The following SATB1 variants were observed in gnomAD, a reference collection of about 807,000 sequenced individuals.
SATB1 encodes SATB homeobox 1.
A neutral mutation model predicts 86.9 loss-of-function variants in SATB1; 11 were observed. The observed-to-expected ratio is 0.13, with a 90% confidence interval of 0.08 to 0.21. The LOEUF is 0.21. Ranked by LOEUF, SATB1 falls within the 10% of genes least tolerant of loss-of-function variation. The probability of loss-of-function intolerance (pLI) is 1.00; values close to 1 mark genes in which losing one functional copy is unlikely to be tolerated. For missense variants in SATB1, 551 were observed against 937.6 expected, an observed-to-expected ratio of 0.59 and a Z score of 5.39; for synonymous variants, 357 against 357.2, an observed-to-expected ratio of 1.00 and a Z score of 0.01.
Position 18,349,319 on chromosome 3 carries a change from C to T in SATB1, c.2143G>A (p.Asp715Asn). 6.2e-7 allele frequency: 1 copy of T among 1,614,178 alleles called. No homozygotes were observed. Among genetic ancestry groups the T allele is most frequent in the Non-Finnish European group, 8.5e-7 (1 of 1,180,016 alleles). Residue 715 changes from aspartate (D) to asparagine (N), a missense_variant, in exon 11 of 11, where the codon GAT becomes AAT. Around this residue, in one of 8 missense-constraint regions of SATB1, gnomAD observed 33 missense variants for 85.4 expected, o/e 0.39. Transcript: ENST00000338745. The surrounding 1 kb of genome is among the most constrained non-coding windows in gnomAD (Gnocchi z 5.5). ...TCCTCTTCTTTATATTCTGCCACATCGACCTCTAAACCGGAATTGTCCTTC... is the reference window on the plus strand; with the variant it reads ...TCCTCTTCTTTATATTCTGCCACATTGACCTCTAAACCGGAATTGTCCTTC... ...KLKDNSGLEV[D>N]VAEYKEEELL...
chr3:18,388,285 G>A (rs1412908539), intron 7 of SATB1, among the ~76,000 whole-genome samples: 2 of 151,858 alleles, frequency 1.3e-5, no homozygotes, highest in African/African-American at 4.8e-5. Context: ...GTTTGACTGT[G>A]TTTCTGATGT....
intron 9 of SATB1, among the ~76,000 whole-genome samples, chr3:18,372,126 A>G (rs939532888): frequency 1.3e-5 from 2 of 152,242 alleles, no homozygotes; most frequent in African/African-American, 4.8e-5. Context: ...CTATGAATAC[A>G]TAGTTGGCAT....
At chr3:18,359,625 T>A (rs1338676616) in intron 9 of SATB1, among the ~76,000 whole-genome samples, 1 of 152,038 alleles carries the variant, frequency 6.6e-6, no homozygotes, top group Admixed American at 6.6e-5. Flanking sequence ...GGCTTATATA[T>A]CTGATACTTG....
At chr3:18,434,565 A>G (rs1698998349) in intron 2 of SATB1, among the ~76,000 whole-genome samples, 1 of 152,014 alleles carries the variant, frequency 6.6e-6, no homozygotes, top group Admixed American at 6.6e-5. Flanking sequence ...TCCCACAAAA[A>G]GGAACATAAG....
Position 18,347,673 on chromosome 3 carries a change from ATTTG to A in SATB1, c.*1493_*1496del, listed in dbSNP as rs1348483707. The A allele has an allele frequency of 6.6e-6, 1 of 152,160 alleles. No individual in the cohort carries two copies. Among genetic ancestry groups the A allele is most frequent in the Admixed American group, 6.5e-5 (1 of 15,280 alleles). 9.4% of individuals were successfully genotyped at this position (152,160 alleles called of 1,614,324 possible). A position where few individuals can be genotyped will look rare whatever the true frequency, so the allele number is the denominator to read the frequency against. ...TAACAACATAACTGCTAGAGACTGG[ATTTG>A]TTTTTGTCGGAGAGTCTTTTGACCA... On this transcript the variant is annotated 3_prime_UTR_variant, in exon 11 of 11. Coordinates refer to ENST00000338745, the MANE Select transcript of SATB1 (RefSeq NM_002971.6).
At chr3:18,375,143 A>G (rs1695679703) in intron 9 of SATB1, among the ~76,000 whole-genome samples, 1 of 152,158 alleles carries the variant, frequency 6.6e-6, no homozygotes, top group African/African-American at 2.4e-5. Context: ...TCTACTGTCA[A>G]TAAGACCAGT....
chr3:18,410,963 A>C, intron 5 of SATB1: 1 of 394,940 alleles, frequency 2.5e-6, no homozygotes, highest in East Asian at 3.6e-5. Flanking sequence ...GCAGTACTGA[A>C]GCTAAGCTTC....
intron 6 of SATB1, among the ~76,000 whole-genome samples, 158 bp downstream of exon 6, chr3:18,397,021 T>A (rs1243998851): frequency 6.6e-6 from 1 of 152,154 alleles, no homozygotes; most frequent in Non-Finnish European, 1.5e-5. Context: ...AATTTAATTA[T>A]CTCATTATAC....
chr3:18,417,100 A>G (rs769123232), intron 2 of SATB1, 22 bp from the exon 3 acceptor site: 4 of 1,606,460 alleles, frequency 2.5e-6, no homozygotes, highest in Non-Finnish European at 3.4e-6. Flanking sequence ...ATGAAGAAGA[A>G]GAGATGGAAA....
chr3:18,371,938 G>A (rs1414441158), intron 9 of SATB1, among the ~76,000 whole-genome samples: 1 of 152,146 alleles, frequency 6.6e-6, no homozygotes, highest in Non-Finnish European at 1.5e-5. Context: ...TTGATTTGCT[G>A]TTTTCCCTAC....
intron 9 of SATB1, among the ~76,000 whole-genome samples, chr3:18,377,149 T>C (rs1015606423): frequency 2.0e-5 from 3 of 152,214 alleles, no homozygotes; most frequent in South Asian, 4.1e-4. Context: ...AAGATTATTA[T>C]GTTACAAATA....
At chr3:18,428,533 C>T (rs551604559), upstream of SATB1, among the ~76,000 whole-genome samples, 3 of 152,152 alleles carry the variant, frequency 2.0e-5, no homozygotes, top group South Asian at 2.1e-4. Flanking sequence ...TAAACTATCA[C>T]GGCAGGAGGA....
At chr3:18,376,579 T>TG (rs576672481) in intron 9 of SATB1, among the ~76,000 whole-genome samples, 2,333 of 106,042 alleles carry the variant, frequency 0.022, 30 homozygotes, top group Middle Eastern at 0.038. Flanking sequence ...GGCAAGTAGG[T>TG]GGGGGGGGGG....
At chr3:18,378,389 G>A (rs1029557675) in intron 8 of SATB1, 64 bp from the exon 9 acceptor site, 1 of 1,520,668 alleles carries the variant, frequency 6.6e-7, no homozygotes. Flanking sequence ...AGCTTCTCAG[G>A]CTCAGCATCC....
rs142315357 is a variant in SATB1 at position 18,420,134 on chromosome 3, A to T, written c.211+623T>A. ...ACAGTCCAAGTTGTTAAACTGCATC[A>T]ATTTAATATTGGTAGAAAAAAGTCA... On this transcript the variant is annotated intron_variant, in intron 2 of 10. Transcript: ENST00000338745. 2.0e-5 allele frequency among the ~76,000 whole-genome samples: 3 copies of T among 152,322 alleles called. No individual in the cohort carries two copies. In the East Asian group the frequency reaches 5.8e-4, roughly 29 times the overall value.
At chr3:18,363,830 T>C (rs1284551240) in intron 9 of SATB1, among the ~76,000 whole-genome samples, 1 of 152,132 alleles carries the variant, frequency 6.6e-6, no homozygotes, top group Non-Finnish European at 1.5e-5. Context: ...CAGGTTTAAG[T>C]TGATACTAAA....
At position 18,352,342 on chromosome 3, in the gene SATB1, G is replaced by A. The variant is rs182358719; in HGVS notation, c.1576-147C>T. The A allele has an allele frequency of 2.5e-5, 16 of 641,256 alleles. No homozygotes were observed. Among genetic ancestry groups the A allele is most frequent in the Middle Eastern group, 8.5e-4 (2 of 2,342 alleles). 39.7% of individuals were successfully genotyped at this position (641,256 alleles called of 1,614,324 possible). A position where few individuals can be genotyped will look rare whatever the true frequency, so the allele number is the denominator to read the frequency against. ...CTGCTTTAAAAATTGTTTTTAACTT[G>A]TTAAGAGAGGTTATCTGTGGCTGTC... On this transcript the variant is annotated intron_variant, in intron 9 of 10. Coordinates refer to ENST00000338745, the MANE Select transcript of SATB1 (RefSeq NM_002971.6). This position sits in a 1 kb window ranked among gnomAD's most constrained non-coding sequence, Gnocchi z 4.1.
At chr3:18,435,855 T>C (rs1328557013) in intron 2 of SATB1, among the ~76,000 whole-genome samples, 1 of 152,110 alleles carries the variant, frequency 6.6e-6, no homozygotes, top group Non-Finnish European at 1.5e-5. Context: ...ATAGGGCAAA[T>C]AGAGGAGACT....
chr3:18,378,432 G>T lies in SATB1; in HGVS notation c.1420-107C>A, dbSNP rs866738543. On this transcript the variant is annotated intron_variant, in intron 8 of 10. Coordinates refer to ENST00000338745, the MANE Select transcript of SATB1 (RefSeq NM_002971.6). Reference sequence around the variant, plus strand: ...ACACTGTTGTTCCTTTTATGATCAAGGTGATCAACAGTGCAGTCATTCAAC... The same window carrying T: ...ACACTGTTGTTCCTTTTATGATCAATGTGATCAACAGTGCAGTCATTCAAC... The T allele has an allele frequency of 9.6e-5, 106 of 1,105,000 alleles. 2 individuals are homozygous for T. In the South Asian group the frequency reaches 1.5e-3, roughly 15 times the overall value. The allele number at this position is 1,105,000 out of a possible 1,614,324, so 68.4% of individuals were successfully genotyped here.
Sources: allele counts gnomAD v4.1 joint callset (sites outside exome capture counted in the v4.1 genomes callset), GRCh38; gene constraint gnomAD v4.1.1; regional missense constraint gnomAD v4.1.1; non-coding constraint Gnocchi (gnomAD v3.1); transcripts MANE v1.5; gene names NCBI Gene and HGNC (gene_info 2026-07-23, HGNC 2026-07-21).